Variants in CMTM4 observed in about 807,000 individuals in gnomAD.
The protein encoded by CMTM4 is CKLF-like MARVEL transmembrane domain-containing protein 4.
Under a neutral mutation model 19.0 loss-of-function variants are expected in CMTM4, and 8 were observed. The ratio of observed to expected loss-of-function variants is 0.42; its 90% CI spans 0.25 to 0.76. The LOEUF is 0.76. Among genes scored for constraint, CMTM4 ranks in the 30% least tolerant of loss-of-function variants. The probability of loss-of-function intolerance (pLI) is 0.27; values close to 1 mark genes in which losing one functional copy is unlikely to be tolerated. For synonymous variants in CMTM4, 106 were observed against 121.1 expected, an observed-to-expected ratio of 0.88 and a Z score of 0.82; for missense variants, 228 against 290.2, an observed-to-expected ratio of 0.79 and a Z score of 1.56.
At chr16:66,682,945 T>C (rs1311673318) in intron 1 of CMTM4, among the ~76,000 whole-genome samples, 11 of 151,908 alleles carry the variant, frequency 7.2e-5, no homozygotes. Flanking sequence ...CAAAGCCTCT[T>C]ATGGTTTCCC....
intron 1 of CMTM4, among the ~76,000 whole-genome samples, chr16:66,652,782 C>T (rs146548468): frequency 1.1e-3 from 162 of 152,220 alleles, no homozygotes; most frequent in African/African-American, 3.4e-3. Flanking sequence ...ATCCAGAAAT[C>T]CTTATTATGT....
At chr16:66,647,981 C>T (rs1219930036) in intron 1 of CMTM4, among the ~76,000 whole-genome samples, 2 of 152,230 alleles carry the variant, frequency 1.3e-5, no homozygotes, top group Admixed American at 6.5e-5. Context: ...AAGCAACTCT[C>T]ATCCTATAAA....
the CMTM4 span, chr16:66,608,236 G>A: frequency 6.5e-7 from 1 of 1,546,218 alleles, no homozygotes. The surrounding 1 kb of genome is among the most constrained non-coding windows in gnomAD (Gnocchi z 5.1). Flanking sequence ...CTGACCACAG[G>A]GCCTGGCTCA....
chr16:66,667,914 G>T (rs759049395), intron 1 of CMTM4, among the ~76,000 whole-genome samples: 14 of 152,130 alleles, frequency 9.2e-5, no homozygotes, highest in Admixed American at 2.6e-4. Context: ...ACCATCTTTG[G>T]AAATAATATT....
At chr16:66,645,813 T>C (rs972624622) in intron 1 of CMTM4, among the ~76,000 whole-genome samples, 3 of 151,894 alleles carry the variant, frequency 2.0e-5, no homozygotes. Flanking sequence ...ACCCTGTCTT[T>C]ACTAAAAATA....
At chr16:66,663,961 AGTG>A (rs1275446662) in intron 1 of CMTM4, among the ~76,000 whole-genome samples, 14 of 152,180 alleles carry the variant, frequency 9.2e-5, no homozygotes, top group African/African-American at 3.4e-4. Flanking sequence ...GGCCAGGTGC[AGTG>A]GCACATGCCT....
At chr16:66,642,343 C>A (rs747227303) in intron 1 of CMTM4, among the ~76,000 whole-genome samples, 1 of 152,154 alleles carries the variant, frequency 6.6e-6, no homozygotes, top group African/African-American at 2.4e-5. Flanking sequence ...ACTAATCATG[C>A]GATTATGGAT....
In CMTM4 at chr16:66,673,255, T is replaced by C. The variant is rs1443255238; in HGVS notation, c.186+23085A>G. On this transcript the variant is annotated intron_variant, in intron 1 of 3. Coordinates refer to ENST00000394106, the MANE Select transcript of CMTM4 (RefSeq NM_181521.3). ...CAGAGTCTCACTCTGTCATCCAGGC[T>C]GGAGTGCAGTGGCACAATCAGAGCT... is the stretch of plus-strand genomic sequence containing the variant. Among the ~76,000 whole-genome samples, 4 of 146,040 alleles carry C rather than the reference T, an allele frequency of 2.7e-5. No homozygotes were observed. In the East Asian group the frequency reaches 8.4e-4, roughly 30 times the overall value.
chr16:66,658,962 C>A (rs1443807961), intron 1 of CMTM4, among the ~76,000 whole-genome samples: 3 of 152,258 alleles, frequency 2.0e-5, no homozygotes, highest in Admixed American at 6.5e-5. Context: ...AGTGTGGATG[C>A]CGTAGGATGA....
At chr16:66,601,542 G>C in the CMTM4 span, among the ~76,000 whole-genome samples, 36 of 152,326 alleles carry the variant, frequency 2.4e-4, no homozygotes, top group South Asian at 2.1e-3. Context: ...GTCAGAAAAG[G>C]AGGTACAAGT....
chr16:66,673,631 G>A (rs2016753217), intron 1 of CMTM4, among the ~76,000 whole-genome samples: 1 of 152,276 alleles, frequency 6.6e-6, no homozygotes, highest in Non-Finnish European at 1.5e-5. Flanking sequence ...CTCTTAATAT[G>A]GCATTCCTTA....
chr16:66,605,002 T>TTC, the CMTM4 span: 1 of 1,395,042 alleles, frequency 7.2e-7, no homozygotes, highest in Non-Finnish European at 9.3e-7. This position sits in a 1 kb window ranked among gnomAD's most constrained non-coding sequence, Gnocchi z 4.6. Flanking sequence ...CGCGGCTCCT[T>TTC]TCGGAGGAGG....
chr16:66,626,045 A>G (rs972143431), intron 2 of CMTM4, among the ~76,000 whole-genome samples: 6 of 152,230 alleles, frequency 3.9e-5, no homozygotes, highest in Admixed American at 2.6e-4. Flanking sequence ...AGAAGGACAT[A>G]TGAAACACTA....
chr16:66,631,139 C>T (rs890158105), intron 2 of CMTM4, among the ~76,000 whole-genome samples: 1 of 134,820 alleles, frequency 7.4e-6, no homozygotes, highest in Non-Finnish European at 1.6e-5. Flanking sequence ...CGTCTCTGCC[C>T]GGCAGCCACC....
At chr16:66,608,023 T>G in the CMTM4 span, among the ~76,000 whole-genome samples, 3 of 152,052 alleles carry the variant, frequency 2.0e-5, no homozygotes, top group Non-Finnish European at 4.4e-5. This position sits in a 1 kb window ranked among gnomAD's most constrained non-coding sequence, Gnocchi z 5.1. Flanking sequence ...TTTTTGTATA[T>G]TTTGCCGAGA....
rs370982322 is a variant in CMTM4 at position 66,617,381 on chromosome 16, A to C, written c.*4677T>G. 3 of 1,609,670 alleles carry C rather than the reference A, an allele frequency of 1.9e-6. No individual in the cohort carries two copies. The African/African-American group carries it at 4.0e-5, about 21-fold the overall frequency. On this transcript the variant is annotated 3_prime_UTR_variant, in exon 4 of 4. Transcript: ENST00000394106. ...AAACTAGAAAGGAAAAAAAAATCCC[A>C]AAGGTTGAAAAACTGTATCCAAATG...
At chr16:66,650,365 T>A (rs557974098) in intron 1 of CMTM4, among the ~76,000 whole-genome samples, 1 of 152,354 alleles carries the variant, frequency 6.6e-6, no homozygotes, top group Admixed American at 6.5e-5. Context: ...GTTCCAAGAC[T>A]AGTTTGCAAA....
chr16:66,605,705 T>C, the CMTM4 span: 1 of 152,582 alleles, frequency 6.6e-6, no homozygotes, highest in Non-Finnish European at 1.5e-5. This position sits in a 1 kb window ranked among gnomAD's most constrained non-coding sequence, Gnocchi z 4.6. Context: ...CCTGCCCTTG[T>C]CCCCACTTTA....
At chr16:66,633,941 C>A (rs1357342593) in intron 2 of CMTM4, among the ~76,000 whole-genome samples, 1 of 151,996 alleles carries the variant, frequency 6.6e-6, no homozygotes, top group Non-Finnish European at 1.5e-5. Context: ...TCCCAAAGAA[C>A]AGGATCGTGT....
Sources: allele counts gnomAD v4.1 joint callset (sites outside exome capture counted in the v4.1 genomes callset), GRCh38; gene constraint gnomAD v4.1.1; non-coding constraint Gnocchi (gnomAD v3.1); transcripts MANE v1.5; gene names NCBI Gene and HGNC (gene_info 2026-07-23, HGNC 2026-07-21).